KATNIP: variants seen among roughly 807,000 people sequenced by gnomAD.
The protein encoded by KATNIP is katanin interacting protein, also known as katanin-interacting protein.
In KATNIP, 126 loss-of-function variants were observed where a neutral mutation model predicts 174.0. The ratio of observed to expected loss-of-function variants is 0.72; its 90% CI spans 0.63 to 0.84. The LOEUF (loss-of-function observed/expected upper bound fraction) is 0.84, where lower values mean the gene tolerates loss of function less well. Ranked by LOEUF, KATNIP falls within the 40% of genes least tolerant of loss-of-function variation. The pLI, the probability that KATNIP is intolerant of heterozygous loss-of-function variation, is 0.00. For missense variants in KATNIP, 1,958 were observed against 2,109.7 expected (o/e 0.93, Z 1.41); for synonymous variants, 810 against 835.7 (o/e 0.97, Z 0.53).
At position 27,717,591 on chromosome 16, in the gene KATNIP, G is replaced by T. The variant is rs192971207; in HGVS notation, c.1606-3967G>T. ...TCAGGTTCCCTTGCACATGCCCCGG[G>T]TCTGGCTCAGCATCAGTCTCCTAGG... On this transcript the variant is annotated intron_variant, in intron 13 of 27. Transcript: ENST00000261588. Among the ~76,000 whole-genome samples the T allele has an allele frequency of 2.4e-3, 361 of 152,134 alleles. 1 individual carries two copies. The highest frequency in any genetic ancestry group is 8.4e-3 in the African/African-American group (348 of 41,490).
At chr16:27,667,533 A>G (rs2077727449) in intron 6 of KATNIP, among the ~76,000 whole-genome samples, 1 of 152,094 alleles carries the variant, frequency 6.6e-6, no homozygotes. Context: ...GTTTTACAAA[A>G]CTGCCAACCA....
At chr16:27,588,408 A>G (rs1567466086) in intron 2 of KATNIP, among the ~76,000 whole-genome samples, 1 of 152,166 alleles carries the variant, frequency 6.6e-6, no homozygotes, top group South Asian at 2.1e-4. Context: ...TATATTTAAG[A>G]GGTTTTCACA....
At chr16:27,602,201 C>T (rs2075550291) in intron 2 of KATNIP, among the ~76,000 whole-genome samples, 1 of 152,178 alleles carries the variant, frequency 6.6e-6, no homozygotes, top group African/African-American at 2.4e-5. Flanking sequence ...AATCCTTCTA[C>T]CTGCAGGCCC....
rs191651773 is a variant in KATNIP at position 27,631,315 on chromosome 16, G to A, written c.408+153G>A. On this transcript the variant is annotated intron_variant, in intron 5 of 27. Transcript: ENST00000261588. The stretch of plus-strand genomic sequence containing the variant: ...GCATTTTGGGAGGGTGAGGTGGGAG[G>A]ATCACTTTGAGCCCAGAAGTTCGAG... 8.2e-3 allele frequency: 4,865 copies of A among 592,550 alleles called. 42 individuals are homozygous for A. Among genetic ancestry groups the A allele is most frequent in the South Asian group, 0.022 (1,003 of 45,922 alleles). The allele number at this position is 592,550 out of a possible 1,614,324, so 36.7% of individuals were successfully genotyped here. A position where few individuals can be genotyped will look rare whatever the true frequency, so the allele number is the denominator to read the frequency against.
At chr16:27,554,004 A>C (rs946591366) in intron 1 of KATNIP, among the ~76,000 whole-genome samples, 2 of 145,920 alleles carry the variant, frequency 1.4e-5, no homozygotes, top group African/African-American at 2.5e-5. Context: ...AAAGGAAGGA[A>C]GGAAAGAAGG....
At position 27,777,994 on chromosome 16, in the gene KATNIP, G is replaced by T. The variant is rs1264266540; in HGVS notation, c.4801+25G>T. Reference sequence around the variant, plus strand: ...GGTCAGTGGCGTTTCTCTGCCCAGAGCATTGTGCCTTGGGAGCTCGGTCTG... The same window carrying T: ...GGTCAGTGGCGTTTCTCTGCCCAGATCATTGTGCCTTGGGAGCTCGGTCTG... On this transcript the variant is annotated intron_variant, in intron 27 of 27. Transcript: ENST00000261588. This position sits in a 1 kb window ranked among gnomAD's most constrained non-coding sequence, Gnocchi z 4.4. 6.2e-7 allele frequency: 1 copy of T among 1,606,778 alleles called. No homozygotes were observed. Among genetic ancestry groups the T allele is most frequent in the South Asian group, 1.1e-5 (1 of 90,926 alleles).
chr16:27,702,431 C>T (rs1567319935), intron 11 of KATNIP, among the ~76,000 whole-genome samples: 1 of 152,236 alleles, frequency 6.6e-6, no homozygotes, highest in Non-Finnish European at 1.5e-5. Flanking sequence ...AGCCTTCCCT[C>T]TAGTCTTCAG....
intron 13 of KATNIP, among the ~76,000 whole-genome samples, chr16:27,721,269 A>G (rs2080227067): frequency 6.6e-6 from 1 of 152,156 alleles, no homozygotes; most frequent in Non-Finnish European, 1.5e-5. Context: ...AAGTTGATGA[A>G]AATAAAGCCC....
chr16:27,704,649 A>G (rs181551022), intron 12 of KATNIP, among the ~76,000 whole-genome samples: 160 of 152,334 alleles, frequency 1.1e-3, no homozygotes, highest in African/African-American at 3.6e-3. Context: ...AGGAAAGTAT[A>G]ATACATCAGC....
chr16:27,741,235 TAG>T (rs2081097144), intron 15 of KATNIP, among the ~76,000 whole-genome samples: 1 of 152,236 alleles, frequency 6.6e-6, no homozygotes, highest in African/African-American at 2.4e-5. Flanking sequence ...CTGCCTTTCA[TAG>T]AGACATCGGT....
intron 7 of KATNIP, among the ~76,000 whole-genome samples, chr16:27,680,022 C>A (rs1249059461): frequency 6.6e-6 from 1 of 152,106 alleles, no homozygotes; most frequent in African/African-American, 2.4e-5. Flanking sequence ...CTTCACACTC[C>A]CACCACATCC....
intron 2 of KATNIP, among the ~76,000 whole-genome samples, chr16:27,598,384 T>G (rs1443809626): frequency 3.9e-5 from 6 of 152,198 alleles, no homozygotes; most frequent in Non-Finnish European, 8.8e-5. Context: ...CACATCTGGC[T>G]TCTTCCCGGG....
intron 2 of KATNIP, among the ~76,000 whole-genome samples, chr16:27,578,709 G>A (rs1165700955): frequency 6.6e-6 from 1 of 152,090 alleles, no homozygotes; most frequent in Admixed American, 6.6e-5. Context: ...TCCCAAGTAG[G>A]TGAGATTACG....
intron 18 of KATNIP, among the ~76,000 whole-genome samples, chr16:27,758,663 T>G (rs903280770): frequency 1.3e-5 from 2 of 152,082 alleles, no homozygotes; most frequent in Admixed American, 1.3e-4. Context: ...TCAAATTTGC[T>G]CTCCTCTCAG....
Position 27,780,142 on chromosome 16 carries a change from G to A in KATNIP, c.*1513G>A, listed in dbSNP as rs1172201099. The A allele has an allele frequency of 6.6e-6, 1 of 152,084 alleles. No homozygotes were observed. Among genetic ancestry groups the A allele is most frequent in the Non-Finnish European group, 1.5e-5 (1 of 68,040 alleles). 9.4% of individuals were successfully genotyped at this position (152,084 alleles called of 1,614,324 possible). ...CAAACCAGTGCCGCTGCATTAAAGG[G>A]AGGCCCAGCTACTCCTTCCCAGCTG... On this transcript the variant is annotated 3_prime_UTR_variant, in exon 28 of 28. Transcript: ENST00000261588.
intron 13 of KATNIP, among the ~76,000 whole-genome samples, chr16:27,709,311 A>G (rs182209220): frequency 1.4e-4 from 20 of 141,174 alleles, no homozygotes; most frequent in African/African-American, 5.4e-4. Context: ...ACAGAGTAAG[A>G]CCCTGTCTCT....
chr16:27,588,187 T>C (rs1349738529), intron 2 of KATNIP, among the ~76,000 whole-genome samples: 9 of 151,970 alleles, frequency 5.9e-5, no homozygotes, highest in African/African-American at 2.2e-4. Context: ...CCACTGTGCC[T>C]CTAGCATTTT....
intron 14 of KATNIP, among the ~76,000 whole-genome samples, chr16:27,733,827 G>A (rs1239241530): frequency 6.6e-6 from 1 of 152,128 alleles, no homozygotes; most frequent in Non-Finnish European, 1.5e-5. Context: ...CTGCACTGAG[G>A]GGGCGCAGAG....
At chr16:27,753,644 T>C (rs1365081753) in intron 17 of KATNIP, among the ~76,000 whole-genome samples, 4 of 152,204 alleles carry the variant, frequency 2.6e-5, no homozygotes. Context: ...GCCCCACCCC[T>C]AGAGATTCTG....
Sources: allele counts gnomAD v4.1 joint callset (sites outside exome capture counted in the v4.1 genomes callset), GRCh38; gene constraint gnomAD v4.1.1; non-coding constraint Gnocchi (gnomAD v3.1); transcripts MANE v1.5; gene names NCBI Gene and HGNC (gene_info 2026-07-23, HGNC 2026-07-21).